PREX2: variants seen among roughly 807,000 people sequenced by gnomAD.
PREX2 encodes the protein phosphatidylinositol 3,4,5-trisphosphate-dependent Rac exchanger 2 protein.
Under a neutral mutation model 203.2 loss-of-function variants are expected in PREX2, and 107 were observed. The observed-to-expected ratio is 0.53, with a 90% CI of 0.45 to 0.62. PREX2 has a LOEUF of 0.62. Among genes scored for constraint, PREX2 ranks in the 20% least tolerant of loss-of-function variants. PREX2 has a pLI of 0.00. For synonymous variants in PREX2, 672 were observed against 663.6 expected (o/e 1.01, Z -0.19); for missense variants, 1,777 against 1,955.9 (o/e 0.91, Z 1.72).
At chr8:68,191,251 G>T (rs1251639336) in intron 35 of PREX2, among the ~76,000 whole-genome samples, 1 of 152,150 alleles carries the variant, frequency 6.6e-6, no homozygotes, top group Non-Finnish European at 1.5e-5. Context: ...AGGTTTTTAT[G>T]AGCCTTCGTT....
intron 20 of PREX2, 57 bp downstream of exon 20, chr8:68,090,772 G>A: frequency 1.4e-6 from 2 of 1,460,198 alleles, no homozygotes; most frequent in Non-Finnish European, 1.9e-6. Context: ...AAGACCTAAG[G>A]GGTTGAGGTG....
chr8:68,196,971 G>A (rs1240142011), intron 37 of PREX2, among the ~76,000 whole-genome samples: 1 of 152,120 alleles, frequency 6.6e-6, no homozygotes, highest in African/African-American at 2.4e-5. Flanking sequence ...GAGCAGAAAT[G>A]TATTTTCTCA....
Position 68,027,256 on chromosome 8 carries a change from A to C in PREX2, c.476A>C (p.Asp159Ala), listed in dbSNP as rs775655132. Residue 159 changes from aspartate to alanine, a missense_variant, in exon 5 of 40, where the codon GAT (aspartate) becomes GCT (alanine). Asp to Ala is a moderately radical substitution (Grantham distance 126). Coordinates refer to ENST00000288368, the MANE Select transcript of PREX2 (RefSeq NM_024870.4). ...CTGCTTGGAGGACGGAAGAACACAG[A>C]TGTTCCCTTGGAAGGATATTTAGTA... The part of the protein sequence containing the change: ...CMLLGGRKNT[D>A]VPLEGYLVTP... 2 of 1,612,276 alleles carry C rather than the reference A, an allele frequency of 1.2e-6. No individual in the cohort carries two copies.
intron 30 of PREX2, among the ~76,000 whole-genome samples, chr8:68,124,573 T>C (rs1444499279): frequency 1.3e-5 from 2 of 152,078 alleles, no homozygotes; most frequent in Admixed American, 6.6e-5. Context: ...AAATAATCTG[T>C]ACAACAAACC....
At chr8:67,966,291 T>C (rs1435057441) in intron 1 of PREX2, among the ~76,000 whole-genome samples, 1 of 152,224 alleles carries the variant, frequency 6.6e-6, no homozygotes, top group Non-Finnish European at 1.5e-5. Context: ...ATAAATTGCC[T>C]ATAGTTTTAC....
At chr8:68,152,983 G>A (rs1268424606) in intron 34 of PREX2, among the ~76,000 whole-genome samples, 1 of 152,304 alleles carries the variant, frequency 6.6e-6, no homozygotes, top group Non-Finnish European at 1.5e-5. Context: ...CCATACATGT[G>A]CTTATCACTT....
intron 25 of PREX2, among the ~76,000 whole-genome samples, chr8:68,111,839 T>G (rs1364072026): frequency 6.6e-6 from 1 of 152,216 alleles, no homozygotes; most frequent in Non-Finnish European, 1.5e-5. Flanking sequence ...AAAAATCTAG[T>G]ATCTGAACAA....
intron 4 of PREX2, among the ~76,000 whole-genome samples, chr8:68,025,497 A>C (rs1161467273): frequency 6.6e-6 from 1 of 151,800 alleles, no homozygotes; most frequent in Admixed American, 6.6e-5. Flanking sequence ...ATGATTGTAC[A>C]TTTCTTATTT....
chr8:67,973,352 A>G (rs1805980130), intron 1 of PREX2, among the ~76,000 whole-genome samples: 1 of 152,184 alleles, frequency 6.6e-6, no homozygotes, highest in South Asian at 2.1e-4. Context: ...GGCCTTTGGC[A>G]TATCTGTCAA....
At chr8:68,113,553 C>A (rs557049193) in intron 25 of PREX2, among the ~76,000 whole-genome samples, 2 of 152,280 alleles carry the variant, frequency 1.3e-5, no homozygotes, top group African/African-American at 4.8e-5. Context: ...TCATCCATAG[C>A]TTTTGGTTAT....
chr8:68,121,157 T>C (rs1810766160), intron 30 of PREX2, 108 bp downstream of exon 30: 1 of 1,165,820 alleles, frequency 8.6e-7, no homozygotes, highest in Non-Finnish European at 1.2e-6. Context: ...AGTGTTTCCT[T>C]TTGTGAAGAA....
At chr8:68,153,825 G>A (rs1021631611) in intron 34 of PREX2, among the ~76,000 whole-genome samples, 3 of 152,130 alleles carry the variant, frequency 2.0e-5, no homozygotes, top group African/African-American at 2.4e-5. Context: ...AAATTGTTAG[G>A]CACTTTTCCA....
At chr8:68,183,532 G>C (rs907878796) in intron 35 of PREX2, among the ~76,000 whole-genome samples, 4 of 152,058 alleles carry the variant, frequency 2.6e-5, no homozygotes, top group African/African-American at 7.2e-5. Context: ...GTTGCCATTC[G>C]AAAATATGTG....
rs143170425 is a variant in PREX2 at position 68,236,515 on chromosome 8, T to C, written c.*5137T>C. 240 of 152,302 alleles carry C rather than the reference T, an allele frequency of 1.6e-3. 2 individuals carry two copies. The highest frequency in any genetic ancestry group is 5.6e-3 in the African/African-American group (234 of 41,578). 9.4% of individuals were successfully genotyped at this position (152,302 alleles called of 1,614,324 possible). On this transcript the variant is annotated 3_prime_UTR_variant, in exon 40 of 40. Coordinates refer to ENST00000288368, the MANE Select transcript of PREX2 (RefSeq NM_024870.4). ...TGTAACACAAACCTAATATCATATA[T>C]ACAAATATACTGTATGTAGCCAAGA...
chr8:68,208,801 C>T lies in PREX2; in HGVS notation c.4605-8815C>T, dbSNP rs186189441. Among the ~76,000 whole-genome samples the T allele has an allele frequency of 2.6e-5, 4 of 152,030 alleles. No homozygotes were observed. The East Asian group carries it at 5.8e-4, about 22-fold the overall frequency. ...AGTGTCTTGCATCTGTCAAAAGAAA[C>T]TTCTGAGCTGGGCATAGTGGCTCAC... On this transcript the variant is annotated intron_variant, in intron 37 of 39. Transcript: ENST00000288368.
chr8:68,079,431 A>G (rs1485304730), intron 15 of PREX2, among the ~76,000 whole-genome samples: 2 of 152,220 alleles, frequency 1.3e-5, no homozygotes, highest in Non-Finnish European at 2.9e-5. Flanking sequence ...AAGCAACAAT[A>G]TGTAGAAGGT....
Position 68,080,484 on chromosome 8 carries a change from C to G in PREX2, c.1684C>G (p.Arg562Gly). The G allele has an allele frequency of 6.2e-7, 1 of 1,606,482 alleles. No individual in the cohort carries two copies. The highest frequency in any genetic ancestry group is 8.5e-7 in the Non-Finnish European group (1 of 1,175,300). The change falls in exon 16 of 40, where the codon CGT becomes GGT. Residue 562 changes from arginine (R) to glycine (G), a missense_variant. Physicochemically the swap from Arg to Gly is moderately radical, Grantham distance 125. Transcript: ENST00000288368. ...SEFKDEPLLF[R>G]FFSDEEMEGS... is the part of the protein sequence containing the mutation. Reference sequence around the variant, plus strand: ...ATTCAAAGATGAACCCCTACTTTTCCGTTTTTTTTCGGATGAGGAAATGGA... The same window carrying G: ...ATTCAAAGATGAACCCCTACTTTTCGGTTTTTTTTCGGATGAGGAAATGGA...
intron 11 of PREX2, among the ~76,000 whole-genome samples, chr8:68,068,142 A>G (rs1224354903): frequency 6.6e-6 from 1 of 152,066 alleles, no homozygotes; most frequent in Non-Finnish European, 1.5e-5. Flanking sequence ...TTTGGCATCC[A>G]TGTTCATCAG....
At chr8:68,053,330 T>C (rs1005652727) in intron 9 of PREX2, 84 bp downstream of exon 9, 1 of 1,435,222 alleles carries the variant, frequency 7.0e-7, no homozygotes, top group Non-Finnish European at 9.6e-7. Context: ...CATGAGAAAA[T>C]GGAAAGGTAT....
Sources: gnomAD v4.1 joint callset for allele counts (sites outside exome capture counted in the v4.1 genomes callset) on GRCh38, gnomAD v4.1.1 for gene constraint, MANE v1.5 for transcripts, NCBI Gene and HGNC (gene_info 2026-07-23, HGNC 2026-07-21) for gene names.